The following SLC34A3 variants were observed in gnomAD, a reference collection of about 807,000 sequenced individuals.
The protein encoded by SLC34A3 is sodium-dependent phosphate transport protein 2C.
SLC34A3 carries 60 observed loss-of-function variants against 43.9 expected under a neutral mutation model. The ratio of observed to expected loss-of-function variants is 1.37; its 90% CI spans 1.11 to 1.70. SLC34A3 has a LOEUF of 1.70. SLC34A3 is among the 40% of genes most tolerant of loss of function. The pLI is 0.00. For missense variants in SLC34A3, 969 were observed against 823.8 expected (o/e 1.18, Z -2.16); for synonymous variants, 451 against 386.2 (o/e 1.17, Z -1.97).
chr9:137,233,750 T>C, intron 8 of SLC34A3, 28 bp downstream of exon 8: 1 of 1,609,412 alleles, frequency 6.2e-7, no homozygotes, highest in Non-Finnish European at 8.5e-7. Context: ...AGGCCCTCAC[T>C]GACCCCCAAC....
rs1454272520 is a variant in SLC34A3, at chr9:137,236,368, G to C, written c.1752G>C (p.Glu584Asp). Residue 584 changes from glutamate to aspartate, a missense_variant, in exon 13 of 13, where the codon GAG (glutamate) becomes GAC (aspartate). By Grantham distance (45) the Glu-to-Asp change is conservative. Transcript: ENST00000673835. ...VCSPPKATTK[E>D]AYCYENPEIL... is the part of the protein sequence containing the mutation. ...GCCCCCCGAAGGCCACCACCAAAGA[G>C]GCCTACTGCTACGAGAACCCTGAGA... 1 of 1,539,950 alleles carries C rather than the reference G, an allele frequency of 6.5e-7. No individual in the cohort carries two copies. Among genetic ancestry groups the C allele is most frequent in the South Asian group, 1.2e-5 (1 of 84,072 alleles).
rs1337925944 is a variant in SLC34A3 at position 137,236,284 on chromosome 9, C to T, written c.1668C>T (p.Leu556=). 6.5e-7 allele frequency: 1 copy of T among 1,543,384 alleles called. No individual in the cohort carries two copies. The highest frequency in any genetic ancestry group is 2.4e-5 in the East Asian group (1 of 40,920). The change falls in exon 13 of 13, where the codon CTC becomes CTT. Residue 556 remains leucine (L), a synonymous_variant. Coordinates refer to ENST00000673835, the MANE Select transcript of SLC34A3 (RefSeq NM_001177316.2). ...CCTGGGCCTGGCTCCCCGTCTGGCT[C>T]CATTCTCTGGAGCCCTGGGACCGCC... ...LRSWAWLPVW[L]HSLEPWDRLV...
Position 137,232,780 on chromosome 9 carries a change from G to A in SLC34A3, c.305-4G>A, listed in dbSNP as rs1365165868. 1 of 1,613,062 alleles carries A rather than the reference G, an allele frequency of 6.2e-7. No individual in the cohort carries two copies. The highest frequency in any genetic ancestry group is 8.5e-7 in the Non-Finnish European group (1 of 1,180,004). On this transcript the variant is annotated splice_region_variant and splice_polypyrimidine_tract_variant and intron_variant, in intron 4 of 12. Coordinates refer to ENST00000673835, the MANE Select transcript of SLC34A3 (RefSeq NM_001177316.2). ...GCTTCAGCGCACCTCTCTTGCCGGT[G>A]TAGGCAAAGTGGCCGGAGACATCTT...
chr9:137,234,232 T>A lies in SLC34A3; in HGVS notation c.1049T>A (p.Leu350Gln). 1 of 1,609,972 alleles carries A rather than the reference T, an allele frequency of 6.2e-7. No individual in the cohort carries two copies. Among genetic ancestry groups the A allele is most frequent in the Non-Finnish European group, 8.5e-7 (1 of 1,179,108 alleles). Residue 350 changes from leucine (L) to glutamine (Q), a missense_variant, in exon 10 of 13, where the codon CTG (leucine) becomes CAG (glutamine). Transcript: ENST00000673835. The surrounding 1 kb of genome is among the most constrained non-coding windows in gnomAD (Gnocchi z 6.9). ...ATAGTCAAGCTGCTCAACTCTGTGC[T>A]GCGCGGCCGCGTGGCCCAGGTCGTG... The part of the protein sequence containing the change: ...VLIVKLLNSV[L>Q]RGRVAQVVRT...
In SLC34A3 at chr9:137,232,934, G is replaced by A. The variant is rs774695234; in HGVS notation, c.448+7G>A. On this transcript the variant is annotated splice_region_variant and intron_variant, in intron 5 of 12. Transcript: ENST00000673835. ...AGCATGGTGGCTGCTAAGCGTGGGT[G>A]CACACTCCCTCCCCGGGTGGTGGGG... is the stretch of plus-strand genomic sequence containing the variant. 6.3e-6 allele frequency: 10 copies of A among 1,584,428 alleles called. No homozygotes were observed. The East Asian group carries it at 2.3e-4, about 37-fold the overall frequency.
In SLC34A3 at chr9:137,232,082, T is replaced by G. The variant is rs754208327; in HGVS notation, c.96T>G (p.Ser32Arg). 1.1e-5 allele frequency: 18 copies of G among 1,613,148 alleles called. No homozygotes were observed. Among genetic ancestry groups the G allele is most frequent in the Non-Finnish European group, 1.0e-5 (12 of 1,179,924 alleles). Reference protein sequence around the residue: ...EKTLRNEGTSSSAPVLEEGDT... With the variant: ...EKTLRNEGTSRSAPVLEEGDT... The stretch of plus-strand genomic sequence containing the variant: ...ATTCTACCTCCACAGGGACCTCCAG[T>G]TCTGCTCCAGTCTTGGAGGAAGGGG... Residue 32 changes from serine (S) to arginine (R), a missense_variant, in exon 3 of 13, where the codon AGT (serine) becomes AGG (arginine). Physicochemically the swap from Ser to Arg is moderately radical, Grantham distance 110 (BLOSUM62 -1). Transcript: ENST00000673835.
Position 137,232,178 on chromosome 9 carries a change from C to CG in SLC34A3, c.175+22dup. The CG allele has an allele frequency of 1.9e-6, 3 of 1,610,924 alleles. No homozygotes were observed. Among genetic ancestry groups the CG allele is most frequent in the Non-Finnish European group, 2.5e-6 (3 of 1,178,322 alleles). ...CCTGGAAAGGTGGGTCTGGAGGTTC[C>CG]GGGGGTGGCAGGCTGGCAGGCCTCT... On this transcript the variant is annotated intron_variant, in intron 3 of 12. Transcript: ENST00000673835.
chr9:137,234,208 T>C lies in SLC34A3; in HGVS notation c.1025T>C (p.Ile342Thr), dbSNP rs370096620. ...LLVLCGCLVL[I>T]VKLLNSVLRG... ...GTGCTCTGCGGCTGCCTGGTCCTCA[T>C]AGTCAAGCTGCTCAACTCTGTGCTG... Residue 342 changes from isoleucine (I) to threonine (T), a missense_variant, in exon 10 of 13, where the codon ATA becomes ACA. Coordinates refer to ENST00000673835, the MANE Select transcript of SLC34A3 (RefSeq NM_001177316.2). The surrounding 1 kb of genome is among the most constrained non-coding windows in gnomAD (Gnocchi z 6.9). 46 of 1,607,952 alleles carry C rather than the reference T, an allele frequency of 2.9e-5. No homozygotes were observed. Among genetic ancestry groups the C allele is most frequent in the Non-Finnish European group, 3.7e-5 (44 of 1,178,568 alleles).
chr9:137,233,779 T>TTGCCCCCCCCCCCCCCCCCCCCCCCC, intron 8 of SLC34A3, 57 bp downstream of exon 8: 6 of 1,445,766 alleles, frequency 4.2e-6, no homozygotes, highest in African/African-American at 1.5e-5. Context: ...TGCTGAGTCA[T>TTGCCCCCCCCCCCCCCCCCCCCCCCC]CCCGCCCCAC....
chr9:137,235,450 C>T (rs1836534368), intron 12 of SLC34A3, among the ~76,000 whole-genome samples: 3 of 152,202 alleles, frequency 2.0e-5, no homozygotes, highest in Admixed American at 1.3e-4. Flanking sequence ...TAGACCCTCC[C>T]AGTGCAGGGT....
At chr9:137,232,751 C>T (rs765837541) in intron 4 of SLC34A3, 33 bp from the exon 5 acceptor site, 126 of 1,612,838 alleles carry the variant, frequency 7.8e-5, no homozygotes, top group Middle Eastern at 1.6e-4. Flanking sequence ...ACCAGCCCTC[C>T]GCAGCTTCAG....
chr9:137,233,407 G>A lies in SLC34A3; in HGVS notation c.756+3G>A, dbSNP rs766950971. 6.3e-7 allele frequency: 1 copy of A among 1,599,928 alleles called. No individual in the cohort carries two copies. Among genetic ancestry groups the A allele is most frequent in the South Asian group, 1.1e-5 (1 of 89,948 alleles). On this transcript the variant is annotated splice_donor_region_variant and intron_variant, in intron 7 of 12. Coordinates refer to ENST00000673835, the MANE Select transcript of SLC34A3 (RefSeq NM_001177316.2). The stretch of plus-strand genomic sequence containing the variant: ...CGCTCACACACCTCATCGTGCAGGT[G>A]AGGACGGCCACCGCCCCCGCCCAGA...
intron 12 of SLC34A3, among the ~76,000 whole-genome samples, chr9:137,235,245 C>T (rs1836518091): frequency 6.6e-6 from 1 of 152,152 alleles, no homozygotes; most frequent in Non-Finnish European, 1.5e-5. Context: ...GCTCTGTGCC[C>T]CAACCCCAGT....
chr9:137,235,965 A>G lies in SLC34A3; in HGVS notation c.1349A>G (p.His450Arg). 1 of 1,611,934 alleles carries G rather than the reference A, an allele frequency of 6.2e-7. No individual in the cohort carries two copies. The highest frequency in any genetic ancestry group is 8.5e-7 in the Non-Finnish European group (1 of 1,179,778). ...MLSALQVALIHFFFNLAGILL... is the reference protein window; with the variant it reads ...MLSALQVALIRFFFNLAGILL... The stretch of plus-strand genomic sequence containing the variant: ...CCTCGCCCCCAGGTCGCCCTCATCC[A>G]CTTCTTCTTCAACCTGGCCGGCATC... Residue 450 changes from histidine (H) to arginine (R), a missense_variant, in exon 13 of 13, where the codon CAC (histidine) becomes CGC (arginine). Physicochemically the swap from His to Arg is conservative, Grantham distance 29. Transcript: ENST00000673835.
At position 137,233,475 on chromosome 9, in the gene SLC34A3, C is replaced by A. The variant is rs370759749; in HGVS notation, c.756+71C>A. The A allele has an allele frequency of 5.0e-5, 80 of 1,586,982 alleles. 1 individual carries two copies. In the South Asian group the frequency reaches 6.6e-4, roughly 13 times the overall value. The stretch of plus-strand genomic sequence containing the variant: ...ATGGGAGGAGGGGAGGCCCGCCCTG[C>A]CCTGATGGAGGGTCAGCGGAGGGTC... On this transcript the variant is annotated intron_variant, in intron 7 of 12. Transcript: ENST00000673835.
intron 3 of SLC34A3, 50 bp downstream of exon 3, chr9:137,232,211 A>C: frequency 6.5e-7 from 1 of 1,541,964 alleles, no homozygotes; most frequent in Non-Finnish European, 9.0e-7. Context: ...TCTGTCCCCA[A>C]CGGGACTGGG....
chr9:137,235,102 C>T (rs1235976981), intron 12 of SLC34A3, among the ~76,000 whole-genome samples: 2 of 152,034 alleles, frequency 1.3e-5, no homozygotes, highest in Non-Finnish European at 2.9e-5. Context: ...TCCAGCAGGT[C>T]CCCATCTGGA....
At position 137,236,492 on chromosome 9, in the gene SLC34A3, G is replaced by A. The variant is rs1251433830; in HGVS notation, c.*76G>A. The A allele has an allele frequency of 2.6e-5, 34 of 1,287,024 alleles. No homozygotes were observed. The highest frequency in any genetic ancestry group is 2.0e-4 in the Admixed American group (10 of 50,550). 79.7% of individuals were successfully genotyped at this position (1,287,024 alleles called of 1,614,324 possible). On this transcript the variant is annotated 3_prime_UTR_variant, in exon 13 of 13. Transcript: ENST00000673835. ...GGAGGGCCCTGGAGGGGGGGTCCCC[G>A]CGGCAGCTGACCTCCGGTCACCTGC...
chr9:137,233,305 A>C lies in SLC34A3; in HGVS notation c.657A>C (p.Leu219=). 1.3e-6 allele frequency: 2 copies of C among 1,597,384 alleles called. No homozygotes were observed. Among genetic ancestry groups the C allele is most frequent in the Non-Finnish European group, 1.7e-6 (2 of 1,172,632 alleles). The change falls in exon 7 of 13, where the codon CTA becomes CTC. Residue 219 remains leucine, a synonymous_variant. Coordinates refer to ENST00000673835, the MANE Select transcript of SLC34A3 (RefSeq NM_001177316.2). ...LESATALLER[L]SELALGAASL... ...GCGCCACGGCCCTGCTGGAGAGGCT[A>C]AGTGAGCTAGCCCTGGGTGCCGCCA...
Sources: gnomAD v4.1 joint callset for allele counts (sites outside exome capture counted in the v4.1 genomes callset) on GRCh38, gnomAD v4.1.1 for gene constraint, Gnocchi (gnomAD v3.1) non-coding constraint, MANE v1.5 for transcripts, NCBI Gene and HGNC (gene_info 2026-07-23, HGNC 2026-07-21) for gene names.